Variants in AP3B1 observed in about 807,000 individuals in gnomAD.
The protein encoded by AP3B1 is AP-3 complex subunit beta-1.
Under a neutral mutation model 132.5 loss-of-function variants are expected in AP3B1, and 61 were observed. The ratio of observed to expected loss-of-function variants is 0.46; its 90% confidence interval spans 0.37 to 0.57. The LOEUF is 0.57. Ranked by LOEUF, AP3B1 falls within the 20% of genes least tolerant of loss-of-function variation. The pLI is 0.00. For synonymous variants in AP3B1, 388 were observed against 438.3 expected (o/e 0.89, Z 1.43); for missense variants, 1,120 against 1,289.4 (o/e 0.87, Z 2.01).
chr5:78,184,468 C>T (rs1037567640), intron 7 of AP3B1, among the ~76,000 whole-genome samples: 8 of 151,668 alleles, frequency 5.3e-5, no homozygotes, highest in South Asian at 2.1e-4. Flanking sequence ...GGGTGGATCA[C>T]GAGGTCAGGA....
At chr5:78,035,583 C>T (rs1747776569) in intron 23 of AP3B1, among the ~76,000 whole-genome samples, 1 of 151,754 alleles carries the variant, frequency 6.6e-6, no homozygotes. Flanking sequence ...CTCATAGGCT[C>T]AATGAGGAGT....
At chr5:78,052,963 G>C (rs1228972736) in intron 22 of AP3B1, among the ~76,000 whole-genome samples, 1 of 152,164 alleles carries the variant, frequency 6.6e-6, no homozygotes, top group Non-Finnish European at 1.5e-5. Flanking sequence ...GACTTGTAAA[G>C]TGTTCAGCAT....
At chr5:78,126,640 A>G (rs1206454645) in intron 17 of AP3B1, among the ~76,000 whole-genome samples, 1 of 152,048 alleles carries the variant, frequency 6.6e-6, no homozygotes, top group Non-Finnish European at 1.5e-5. Context: ...ATTGCTTCTC[A>G]TATTTTTACA....
intron 7 of AP3B1, among the ~76,000 whole-genome samples, chr5:78,184,391 C>A (rs1335768484): frequency 6.6e-6 from 1 of 151,422 alleles, no homozygotes; most frequent in Non-Finnish European, 1.5e-5. Flanking sequence ...CAAAAAAAAT[C>A]AAAACTAAAA....
intron 14 of AP3B1, among the ~76,000 whole-genome samples, chr5:78,155,986 A>G (rs1743132156): frequency 6.6e-6 from 1 of 152,216 alleles, no homozygotes; most frequent in African/African-American, 2.4e-5. Flanking sequence ...ACACATGAAC[A>G]TGCATATATA....
intron 14 of AP3B1, among the ~76,000 whole-genome samples, chr5:78,154,359 T>C (rs982982998): frequency 1.3e-5 from 2 of 152,178 alleles, no homozygotes; most frequent in Admixed American, 1.3e-4. Flanking sequence ...TCTTTTCTCT[T>C]GCCGCTTTTA....
chr5:78,193,742 T>TATATATATA lies in AP3B1; in HGVS notation c.787-12081_787-12080insTATATATAT, dbSNP rs1561469413. On this transcript the variant is annotated intron_variant, in intron 7 of 26. Transcript: ENST00000255194. ...TATTTTTAAATATTTGTATATATTTTTTTATATATATATATATATATATAT... is the reference window on the plus strand; with the variant it reads ...TATTTTTAAATATTTGTATATATTTTATATATATATTTATATATATATATATATATATAT... 2.8e-3 allele frequency among the ~76,000 whole-genome samples: 249 copies of TATATATATA among 90,468 alleles called. 4 individuals carry two copies. Among genetic ancestry groups the TATATATATA allele is most frequent in the Non-Finnish European group, 3.9e-3 (186 of 48,060 alleles). The allele number at this position is 90,468 out of a possible 152,430, so 59.4% of individuals were successfully genotyped here. A position where few individuals can be genotyped will look rare whatever the true frequency, so the allele number is the denominator to read the frequency against.
Position 78,162,829 on chromosome 5 carries a change from G to A in AP3B1, c.1353C>T (p.Ser451=). 1.9e-6 allele frequency: 3 copies of A among 1,613,868 alleles called. No individual in the cohort carries two copies. The highest frequency in any genetic ancestry group is 2.5e-6 in the Non-Finnish European group (3 of 1,179,872). The change falls in exon 13 of 27, where the codon TCC becomes TCT. Residue 451 remains serine (S), a synonymous_variant. Transcript: ENST00000255194. Reference sequence around the variant, plus strand: ...AAACTGTAAACTTACCATCCCTGTTGGACAGCAGACAGACCAAGCCATTGA... The same window carrying A: ...AAACTGTAAACTTACCATCCCTGTTAGACAGCAGACAGACCAAGCCATTGA... ...TCLNGLVCLL[S]NRDEIVVAES... is the part of the protein sequence containing the mutation.
intron 22 of AP3B1, among the ~76,000 whole-genome samples, chr5:78,061,482 A>G (rs1297952909): frequency 1.3e-5 from 2 of 152,246 alleles, no homozygotes; most frequent in South Asian, 4.1e-4. Flanking sequence ...AGAAGGTACA[A>G]GACTAAGTTG....
intron 22 of AP3B1, among the ~76,000 whole-genome samples, chr5:78,053,345 T>C (rs1275393680): frequency 6.6e-6 from 1 of 152,152 alleles, no homozygotes; most frequent in Admixed American, 6.5e-5. Flanking sequence ...AACAGCATTA[T>C]ATATTTATTG....
At chr5:78,039,863 A>ATT (rs55844096) in intron 22 of AP3B1, among the ~76,000 whole-genome samples, 16 of 135,242 alleles carry the variant, frequency 1.2e-4, no homozygotes, top group African/African-American at 3.3e-4. Flanking sequence ...AAACATACTC[A>ATT]TTTTTTTTTT....
intron 20 of AP3B1, among the ~76,000 whole-genome samples, chr5:78,106,462 A>AAAAGAAAGAAAG (rs140246615): frequency 2.0e-5 from 3 of 151,150 alleles, no homozygotes; most frequent in East Asian, 3.9e-4. Context: ...TGTCTCAAAA[A>AAAAGAAAGAAAG]AAAGAAAGAA....
intron 7 of AP3B1, among the ~76,000 whole-genome samples, chr5:78,191,736 G>C (rs1744842163): frequency 1.3e-5 from 2 of 152,118 alleles, no homozygotes; most frequent in South Asian, 4.1e-4. Context: ...TAAGGATACT[G>C]TTTCCTTCTG....
intron 11 of AP3B1, among the ~76,000 whole-genome samples, chr5:78,170,047 G>A (rs1743844269): frequency 6.6e-6 from 1 of 152,104 alleles, no homozygotes; most frequent in Non-Finnish European, 1.5e-5. Context: ...GAGAATGACG[G>A]TTGCCAGCTT....
At chr5:78,211,236 C>G (rs947955628) in intron 7 of AP3B1, among the ~76,000 whole-genome samples, 3 of 152,114 alleles carry the variant, frequency 2.0e-5, no homozygotes, top group Admixed American at 2.0e-4. Flanking sequence ...CCCTGACAGC[C>G]CCATGAATTC....
rs1363116985 is a variant in AP3B1 at position 78,278,462 on chromosome 5, A to G, written c.129-10867T>C. On this transcript the variant is annotated intron_variant, in intron 1 of 26. Transcript: ENST00000255194. ...AAAATACAAAAAATTAGCCGGGCGT[A>G]GTGGCGGGCGCCTGTAGTCCCAGCT... 1.1e-4 allele frequency among the ~76,000 whole-genome samples: 12 copies of G among 105,056 alleles called. 2 individuals carry two copies. The highest frequency in any genetic ancestry group is 2.1e-4 in the Non-Finnish European group (9 of 42,110). 68.9% of individuals were successfully genotyped at this position (105,056 alleles called of 152,430 possible).
chr5:78,105,949 C>T (rs974446709), intron 20 of AP3B1, among the ~76,000 whole-genome samples: 2 of 152,158 alleles, frequency 1.3e-5, no homozygotes, highest in African/African-American at 4.8e-5. Context: ...TTGACTATCC[C>T]ATTCACATGA....
chr5:78,109,651 A>G (rs1751488916), intron 20 of AP3B1, among the ~76,000 whole-genome samples: 1 of 152,140 alleles, frequency 6.6e-6, no homozygotes, highest in South Asian at 2.1e-4. Context: ...TTATATTAAT[A>G]ACTATATTTT....
chr5:78,103,483 A>G (rs1385709361), intron 20 of AP3B1, among the ~76,000 whole-genome samples: 4 of 152,208 alleles, frequency 2.6e-5, no homozygotes, highest in Non-Finnish European at 5.9e-5. Flanking sequence ...CCCAATATTT[A>G]TACAAAACCA....
Sources: gnomAD v4.1 joint callset for allele counts (sites outside exome capture counted in the v4.1 genomes callset) on GRCh38, gnomAD v4.1.1 for gene constraint, MANE v1.5 for transcripts, NCBI Gene and HGNC (gene_info 2026-07-23, HGNC 2026-07-21) for gene names.